Variants in UGGT1 observed in about 807,000 individuals in gnomAD.
The protein encoded by UGGT1 is UDP-glucose glycoprotein glucosyltransferase 1, also known as UDP-glucose:glycoprotein glucosyltransferase 1.
A neutral mutation model predicts 203.9 loss-of-function variants in UGGT1; 107 were observed. That is an observed-to-expected ratio of 0.52 (90% CI 0.45 to 0.62). UGGT1 has a LOEUF of 0.62. UGGT1 is among the 20% of genes least tolerant of loss of function. UGGT1 has a pLI of 0.00. For synonymous variants in UGGT1, 628 were observed against 653.5 expected, an observed-to-expected ratio of 0.96 and a Z score of 0.59; for missense variants, 1,673 against 1,867.2, an observed-to-expected ratio of 0.90 and a Z score of 1.92.
chr2:128,118,020 AAGAG>A (rs1357095554), intron 8 of UGGT1, among the ~76,000 whole-genome samples: 3 of 122,862 alleles, frequency 2.4e-5, no homozygotes, highest in Non-Finnish European at 3.8e-5. Context: ...GAGAGAGGGA[AAGAG>A]AGAGAAAGTG....
intron 6 of UGGT1, 40 bp from the exon 7 acceptor site, chr2:128,115,084 G>A: frequency 2.5e-6 from 4 of 1,582,354 alleles, no homozygotes; most frequent in Non-Finnish European, 3.5e-6. Context: ...GACATAGAAA[G>A]AGCTAGGTGG....
intron 1 of UGGT1, among the ~76,000 whole-genome samples, chr2:128,096,392 T>C (rs927930318): frequency 1.3e-5 from 2 of 152,226 alleles, no homozygotes; most frequent in East Asian, 3.9e-4. Context: ...TAGAAATCCT[T>C]ACTCAGGGTT....
chr2:128,107,984 G>A lies in UGGT1; in HGVS notation c.324G>A (p.Gln108=). ...ATGCAATATTGGAGGCTGCATTTCA[G>A]TTTCTGTCACCCCTCCAGCAGAATT... is the stretch of plus-strand genomic sequence containing the variant. ...YYHAILEAAF[Q]FLSPLQQNLF... Residue 108 remains glutamine, a synonymous_variant, in exon 4 of 41, where the codon CAG becomes CAA. Coordinates refer to ENST00000259253, the MANE Select transcript of UGGT1 (RefSeq NM_020120.4). The A allele has an allele frequency of 6.2e-7, 1 of 1,614,100 alleles. No individual in the cohort carries two copies. The highest frequency in any genetic ancestry group is 8.5e-7 in the Non-Finnish European group (1 of 1,180,002).
chr2:128,159,658 G>T lies in UGGT1; in HGVS notation c.2500G>T (p.Ala834Ser), dbSNP rs748754019. Reference protein sequence around the residue: ...NAAKNFITKMAKEGAAEALAA... With the variant: ...NAAKNFITKMSKEGAAEALAA... Reference sequence around the variant, plus strand: ...TGCTAAGAACTTCATCACCAAAATGGCCAAGGAGGGGGCTGCAGAGGCCCT... The same window carrying T: ...TGCTAAGAACTTCATCACCAAAATGTCCAAGGAGGGGGCTGCAGAGGCCCT... The change falls in exon 23 of 41, where the codon GCC (alanine) becomes TCC (serine). Residue 834 changes from alanine to serine, a missense_variant. Ala to Ser is a moderately conservative substitution (Grantham distance 99). Around this residue, in one of 4 missense-constraint regions of UGGT1, gnomAD observed 1,073 missense variants for 1,078.7 expected, o/e 0.99. Transcript: ENST00000259253. 18 of 1,614,076 alleles carry T rather than the reference G, an allele frequency of 1.1e-5. No homozygotes were observed. Among genetic ancestry groups the T allele is most frequent in the Non-Finnish European group, 1.5e-5 (18 of 1,180,020 alleles).
intron 16 of UGGT1, among the ~76,000 whole-genome samples, chr2:128,142,420 C>A (rs548175377): frequency 6.7e-6 from 1 of 149,722 alleles, no homozygotes; most frequent in East Asian, 2.1e-4. Context: ...CCCGTCTCTA[C>A]TAAAAAATAC....
chr2:128,132,248 T>C (rs1688914782), intron 13 of UGGT1, among the ~76,000 whole-genome samples: 1 of 151,994 alleles, frequency 6.6e-6, no homozygotes, highest in African/African-American at 2.4e-5. Flanking sequence ...TTTTTTCCTT[T>C]GTTCTTAAAA....
At chr2:128,147,055 C>G (rs1407565561) in intron 18 of UGGT1, among the ~76,000 whole-genome samples, 1 of 152,206 alleles carries the variant, frequency 6.6e-6, no homozygotes, top group East Asian at 1.9e-4. Context: ...AAAGACACTC[C>G]TATCACTGGA....
rs191611730 is a variant in UGGT1 at position 128,102,119 on chromosome 2, G to A, written c.195-1813G>A. On this transcript the variant is annotated intron_variant, in intron 2 of 40. Coordinates refer to ENST00000259253, the MANE Select transcript of UGGT1 (RefSeq NM_020120.4). ...CTAGAATATTTTAAAGCAAATCCCA[G>A]ACATCATATAGTTTGTAAAATCATA... is the stretch of plus-strand genomic sequence containing the variant. Among the ~76,000 whole-genome samples, 716 of 151,968 alleles carry A rather than the reference G, an allele frequency of 4.7e-3. 4 individuals carry two copies. The highest frequency in any genetic ancestry group is 6.3e-3 in the Non-Finnish European group (425 of 67,992).
At chr2:128,125,966 A>G (rs565561609) in intron 11 of UGGT1, among the ~76,000 whole-genome samples, 45 of 143,424 alleles carry the variant, frequency 3.1e-4, no homozygotes, top group Non-Finnish European at 3.5e-4. Flanking sequence ...TTTTTGAGAT[A>G]GAGTCTTGCT....
chr2:128,169,047 TTAAAAAAAAAAAAAAAAAAAAA>T (rs1403148872), intron 26 of UGGT1, among the ~76,000 whole-genome samples: 2 of 55,892 alleles, frequency 3.6e-5, no homozygotes, highest in African/African-American at 1.3e-4. Flanking sequence ...GACTCTGTCT[TTAAAAAAAAAAAAAAAAAAAAA>T]AAAAAAAAAA....
chr2:128,091,588 C>A, intron 1 of UGGT1, 173 bp downstream of exon 1: 1 of 1,438,844 alleles, frequency 7.0e-7, no homozygotes. Flanking sequence ...CAGTGGTCTT[C>A]TTGGCAAGGT....
intron 22 of UGGT1, 115 bp downstream of exon 22, chr2:128,157,461 C>A: frequency 1.4e-6 from 1 of 719,408 alleles, no homozygotes; most frequent in Non-Finnish European, 2.3e-6. Context: ...TTTCTTAATG[C>A]TCGAGGGAAC....
In UGGT1 at chr2:128,177,790, G is replaced by A. The variant is rs73955980; in HGVS notation, c.3625-42G>A. On this transcript the variant is annotated intron_variant, in intron 32 of 40. Coordinates refer to ENST00000259253, the MANE Select transcript of UGGT1 (RefSeq NM_020120.4). ...TCCAGTGAGAGGCAGTTTTATGCCT[G>A]TGAGACATACTGGGAGTAAGGTTTA... is the stretch of plus-strand genomic sequence containing the variant. 1,413 of 1,525,056 alleles carry A rather than the reference G, an allele frequency of 9.3e-4. 10 individuals are homozygous for A. The African/African-American group carries it at 0.014, about 16-fold the overall frequency. The allele number at this position is 1,525,056 out of a possible 1,614,324, so 94.5% of individuals were successfully genotyped here.
chr2:128,092,168 T>C (rs949675640), intron 1 of UGGT1, among the ~76,000 whole-genome samples: 1 of 152,144 alleles, frequency 6.6e-6, no homozygotes, highest in Non-Finnish European at 1.5e-5. Context: ...TTGCAGGCGT[T>C]TGAAGACATT....
At chr2:128,184,746 G>C (rs1691884336) in intron 38 of UGGT1, among the ~76,000 whole-genome samples, 1 of 150,940 alleles carries the variant, frequency 6.6e-6, no homozygotes, top group South Asian at 2.1e-4. Flanking sequence ...GCATGCTCTG[G>C]GTTGCACTCA....
intron 14 of UGGT1, 96 bp from the exon 15 acceptor site, chr2:128,134,780 G>T: frequency 1.0e-6 from 1 of 1,000,494 alleles, no homozygotes; most frequent in Admixed American, 1.9e-5. Flanking sequence ...GCTCGAAAAA[G>T]GTTGGCTTCA....
intron 29 of UGGT1, 96 bp downstream of exon 29, chr2:128,172,858 G>T (rs1423810036): frequency 8.4e-7 from 1 of 1,187,138 alleles, no homozygotes; most frequent in Non-Finnish European, 1.2e-6. Flanking sequence ...CAGTGTTCAG[G>T]TATGATATTT....
At chr2:128,176,686 G>A (rs111945052) in intron 31 of UGGT1, 128 bp from the exon 32 acceptor site, 7 of 864,088 alleles carry the variant, frequency 8.1e-6, no homozygotes, top group African/African-American at 6.8e-5. Context: ...AGGAGCTTAA[G>A]GAGCAAGAAG....
intron 11 of UGGT1, 26 bp from the exon 12 acceptor site, chr2:128,127,335 C>A: frequency 6.6e-7 from 1 of 1,526,228 alleles, no homozygotes; most frequent in South Asian, 1.1e-5. Context: ...TCTCACAGCT[C>A]CCTAATAATT....
Sources: gnomAD v4.1 joint callset for allele counts (sites outside exome capture counted in the v4.1 genomes callset) on GRCh38, gnomAD v4.1.1 for gene constraint, gnomAD v4.1.1 regional missense constraint, MANE v1.5 for transcripts, NCBI Gene and HGNC (gene_info 2026-07-23, HGNC 2026-07-21) for gene names.